Variants in DMD observed in about 807,000 individuals in gnomAD.
DMD encodes dystrophin, also known as mutant dystrophin.
DMD carries 63 observed loss-of-function variants against 330.1 expected under a neutral mutation model. The observed-to-expected ratio is 0.19, with a 90% CI of 0.16 to 0.24. DMD has a LOEUF of 0.24. Ranked by LOEUF, DMD falls within the 10% of genes least tolerant of loss-of-function variation. DMD has a pLI of 1.00. For missense variants in DMD, 3,344 were observed against 2,684.1 expected (o/e 1.25, Z -5.43); for synonymous variants, 1,223 against 959.8 (o/e 1.27, Z -5.07).
intron 1 of DMD, among the ~76,000 whole-genome samples, chrX:33,184,043 G>C (rs973502212): frequency 9.0e-6 from 1 of 111,437 alleles, no homozygotes; most frequent in Non-Finnish European, 1.9e-5. Flanking sequence ...CCAGAATAGG[G>C]AGCTAAGGAG....
At chrX:32,002,947 T>C (rs983336718) in intron 44 of DMD, among the ~76,000 whole-genome samples, 1 of 111,732 alleles carries the variant, frequency 8.9e-6, no homozygotes, top group Admixed American at 9.5e-5. Context: ...TTGGAGTTTA[T>C]TGCTACAGAA....
rs1348862984 is a variant in DMD at position 32,974,510 on chromosome X, G to A, written c.93+45629C>T. 4.5e-5 allele frequency among the ~76,000 whole-genome samples: 5 copies of A among 111,565 alleles called. No homozygotes were observed. The South Asian group carries it at 1.1e-3, about 25-fold the overall frequency. ...CAGGATATCCCATTTCTAAATAAAC[G>A]TATTTTTCCCTTGAGGTCTTCTGAT... On this transcript the variant is annotated intron_variant, in intron 2 of 78. Transcript: ENST00000357033.
chrX:32,055,273 T>C (rs2096160725), intron 44 of DMD, among the ~76,000 whole-genome samples: 1 of 112,126 alleles, frequency 8.9e-6, no homozygotes, highest in African/African-American at 3.2e-5. Context: ...CATATTCTGG[T>C]AAATTAAACA....
intron 47 of DMD, among the ~76,000 whole-genome samples, chrX:31,900,328 TG>T (rs1242289329): frequency 3.6e-5 from 4 of 111,127 alleles, no homozygotes; most frequent in African/African-American, 1.3e-4. Flanking sequence ...AATTTAATCA[TG>T]GGGGCAGGTC....
At chrX:32,733,280 A>C (rs2067971684) in intron 7 of DMD, among the ~76,000 whole-genome samples, 1 of 110,725 alleles carries the variant, frequency 9.0e-6, no homozygotes, top group Non-Finnish European at 1.9e-5. Flanking sequence ...TGAGTGACCT[A>C]CAAAGAGACT....
chrX:33,056,951 T>C (rs1420138480), intron 1 of DMD, among the ~76,000 whole-genome samples: 3 of 111,498 alleles, frequency 2.7e-5, no homozygotes, highest in African/African-American at 9.8e-5. Context: ...TCGTTCTCTG[T>C]TATGAAAAAG....
At chrX:32,344,976 G>C (rs375728516) in intron 39 of DMD, among the ~76,000 whole-genome samples, 1 of 111,380 alleles carries the variant, frequency 9.0e-6, no homozygotes, top group African/African-American at 3.3e-5. Context: ...GACTTTCCTT[G>C]TGGATTCCTT....
At chrX:32,173,066 G>GGGGT (rs1246394111) in intron 44 of DMD, among the ~76,000 whole-genome samples, 11 of 89,622 alleles carry the variant, frequency 1.2e-4, no homozygotes, top group African/African-American at 4.8e-4. Flanking sequence ...ACCTGATTTT[G>GGGGT]GTGTGTGTGT....
At chrX:33,143,508 T>A (rs184445325) in intron 1 of DMD, among the ~76,000 whole-genome samples, 201 of 111,544 alleles carry the variant, frequency 1.8e-3, no homozygotes, top group African/African-American at 6.0e-3. Context: ...TATATTATGT[T>A]CCTGTAGTTA....
chrX:32,014,475 G>A (rs956277069), intron 44 of DMD, among the ~76,000 whole-genome samples: 6 of 111,180 alleles, frequency 5.4e-5, no homozygotes, highest in South Asian at 3.8e-4. Context: ...ATGAGCCTTC[G>A]GTACAACTAG....
intron 60 of DMD, among the ~76,000 whole-genome samples, chrX:31,350,592 C>CGT (rs747001189): frequency 8.6e-4 from 73 of 85,320 alleles, no homozygotes; most frequent in Admixed American, 3.0e-3. Context: ...AAATGTGGTA[C>CGT]GTGTGTGTGT....
intron 1 of DMD, among the ~76,000 whole-genome samples, chrX:33,196,650 C>T (rs2050958025): frequency 9.0e-6 from 1 of 111,658 alleles, no homozygotes; most frequent in Admixed American, 9.5e-5. Flanking sequence ...TAAAATAATA[C>T]AAAGAAAAAT....
intron 49 of DMD, among the ~76,000 whole-genome samples, chrX:31,824,331 T>C (rs988597454): frequency 1.8e-5 from 2 of 110,960 alleles, no homozygotes; most frequent in African/African-American, 6.6e-5. Flanking sequence ...TGGTGAGATC[T>C]TGGCTCACTG....
At chrX:32,834,164 TAC>T (rs2079401074) in intron 4 of DMD, among the ~76,000 whole-genome samples, 1 of 111,656 alleles carries the variant, frequency 9.0e-6, no homozygotes, top group African/African-American at 3.2e-5. Context: ...GTTGATAAGT[TAC>T]AGAGTTAACA....
At position 31,123,277 on chromosome X, in the gene DMD, A is replaced by AT. The variant is rs1555974706; in HGVS notation, c.11047-1348dup. On this transcript the variant is annotated intron_variant, in intron 78 of 78. Coordinates refer to ENST00000357033, the MANE Select transcript of DMD (RefSeq NM_004006.3). Reference sequence around the variant, plus strand: ...TTTCTATTAAGGTGACCAAGTTTGTATATCTATCTTTTTGTGCTTTATTAG... The same window carrying AT: ...TTTCTATTAAGGTGACCAAGTTTGTATTATCTATCTTTTTGTGCTTTATTAG... 3.5e-3 allele frequency among the ~76,000 whole-genome samples: 396 copies of AT among 112,256 alleles called. 3 individuals carry two copies. The highest frequency in any genetic ancestry group is 0.012 in the African/African-American group (362 of 30,962).
At chrX:31,607,479 T>G (rs2077671025) in intron 55 of DMD, among the ~76,000 whole-genome samples, 1 of 112,075 alleles carries the variant, frequency 8.9e-6, no homozygotes, top group Non-Finnish European at 1.9e-5. Flanking sequence ...GCATCTTCTC[T>G]TAGGGTTACT....
intron 46 of DMD, 42 bp from the exon 47 acceptor site, chrX:31,929,787 C>T (rs1569515587): frequency 7.5e-6 from 9 of 1,200,234 alleles, no homozygotes; most frequent in Non-Finnish European, 1.0e-5. Flanking sequence ...TGAATTACAG[C>T]ACAATTCCAA....
At chrX:32,594,252 T>C (rs1179872929) in intron 13 of DMD, among the ~76,000 whole-genome samples, 2 of 111,723 alleles carry the variant, frequency 1.8e-5, no homozygotes, top group Non-Finnish European at 1.9e-5. Flanking sequence ...CCTTCCTACT[T>C]TCCCCCATCT....
At chrX:32,229,649 C>CATATATATATATAT (rs550544963) in intron 43 of DMD, among the ~76,000 whole-genome samples, 10 of 61,203 alleles carry the variant, frequency 1.6e-4, no homozygotes, top group African/African-American at 6.2e-4. Context: ...ACATATTTTA[C>CATATATATATATAT]ATATATATAT....
Sources: gnomAD v4.1 joint callset for allele counts (sites outside exome capture counted in the v4.1 genomes callset) on GRCh38, gnomAD v4.1.1 for gene constraint, MANE v1.5 for transcripts, NCBI Gene and HGNC (gene_info 2026-07-23, HGNC 2026-07-21) for gene names.